Variants in GOLGA2 observed in about 807,000 individuals in gnomAD.
GOLGA2 encodes golgin A2.
A neutral mutation model predicts 148.8 loss-of-function variants in GOLGA2; 49 were observed. The ratio of observed to expected loss-of-function variants is 0.33; its 90% CI spans 0.26 to 0.42. GOLGA2 has a LOEUF of 0.42. Among genes scored for constraint, GOLGA2 ranks in the 10% least tolerant of loss-of-function variants. The pLI, the probability that GOLGA2 is intolerant of heterozygous loss-of-function variation, is 1.00. For synonymous variants in GOLGA2, 501 were observed against 511.8 expected (o/e 0.98, Z 0.28); for missense variants, 1,178 against 1,304.6 (o/e 0.90, Z 1.49).
At position 128,261,080 on chromosome 9, in the gene GOLGA2, T is replaced by C; in HGVS notation, c.1420+92A>G. ...CCTCTTTCCCTCTGCCTCAAAGCCA[T>C]TCCATCCACCCAACTCCCTGGGGCA... On this transcript the variant is annotated intron_variant, in intron 17 of 26. Coordinates refer to ENST00000611957, the MANE Select transcript of GOLGA2 (RefSeq NM_001366244.2). This position sits in a 1 kb window ranked among gnomAD's most constrained non-coding sequence, Gnocchi z 5.7. The C allele has an allele frequency of 1.1e-6, 1 of 891,856 alleles. No homozygotes were observed. The highest frequency in any genetic ancestry group is 2.4e-5 in the East Asian group (1 of 41,666). 55.2% of individuals were successfully genotyped at this position (891,856 alleles called of 1,614,324 possible).
chr9:128,257,410 G>A lies in GOLGA2; in HGVS notation c.2834C>T (p.Ala945Val), dbSNP rs1017458890. ...AGCCCCAAGTTCCTGGGGGGCTGGG[G>A]CCCCTGAAGTGGGCTCATCAGCAGG... ...QNPADEPTSG[A>V]PAPQELGAAN... Residue 945 changes from alanine (A) to valine (V), a missense_variant, in exon 26 of 27, where the codon GCC becomes GTC. Transcript: ENST00000611957. The surrounding 1 kb of genome is among the most constrained non-coding windows in gnomAD (Gnocchi z 8.0). 1.4e-5 allele frequency: 22 copies of A among 1,612,836 alleles called. No individual in the cohort carries two copies. The highest frequency in any genetic ancestry group is 1.7e-5 in the Non-Finnish European group (20 of 1,179,994).
At chr9:128,275,724 G>A (rs1831300454) in intron 1 of GOLGA2, among the ~76,000 whole-genome samples, 169 bp downstream of exon 1, 1 of 152,188 alleles carries the variant, frequency 6.6e-6, no homozygotes, top group South Asian at 2.1e-4. Context: ...CGGGGGCTGG[G>A]CGGCTGAGGG....
rs369322519 is a variant in GOLGA2 at position 128,260,673 on chromosome 9, T to C, written c.1550A>G (p.Asn517Ser). ...AGQLQAQVQD[N>S]EGLSRLNREQ... Reference sequence around the variant, plus strand: ...CCGGTTCAGGCGACTCAAGCCCTCATTGTCTTGCACCTGGGCTTGAAGCTG... The same window carrying C: ...CCGGTTCAGGCGACTCAAGCCCTCACTGTCTTGCACCTGGGCTTGAAGCTG... Residue 517 changes from asparagine to serine, a missense_variant, in exon 18 of 27, where the codon AAT becomes AGT. Asn to Ser is a conservative substitution (Grantham distance 46, BLOSUM62 1). Coordinates refer to ENST00000611957, the MANE Select transcript of GOLGA2 (RefSeq NM_001366244.2). This position sits in a 1 kb window ranked among gnomAD's most constrained non-coding sequence, Gnocchi z 4.8. The C allele has an allele frequency of 5.0e-6, 8 of 1,613,206 alleles. No homozygotes were observed. The highest frequency in any genetic ancestry group is 1.3e-5 in the African/African-American group (1 of 74,928).
rs769732393 is a variant in GOLGA2, at chr9:128,268,103, C to T, written c.437+14G>A. On this transcript the variant is annotated intron_variant, in intron 5 of 26. Transcript: ENST00000611957. ...CTCAGCCTAGAGACTGCTGCCCCAA[C>T]AGGAGACACTCACTTGGTTTCATCC... 1.2e-5 allele frequency: 20 copies of T among 1,611,820 alleles called. No homozygotes were observed. The East Asian group carries it at 2.0e-4, about 16-fold the overall frequency.
intron 2 of GOLGA2, 153 bp downstream of exon 2, chr9:128,273,695 AAT>A: frequency 1.1e-6 from 1 of 902,056 alleles, no homozygotes; most frequent in Non-Finnish European, 1.7e-6. Flanking sequence ...AAGCTCAAGC[AAT>A]TTGCCCTAAA....
At chr9:128,267,319 A>G in intron 7 of GOLGA2, 45 bp from the exon 8 acceptor site, 2 of 1,425,092 alleles carry the variant, frequency 1.4e-6, no homozygotes, top group Non-Finnish European at 2.0e-6. Flanking sequence ...GATTGGGGGG[A>G]GAGGTAGAGA....
intron 12 of GOLGA2, 66 bp downstream of exon 12, chr9:128,265,519 C>G: frequency 8.4e-7 from 1 of 1,190,140 alleles, no homozygotes. Context: ...CAGAAGGGAC[C>G]TTTAGGCTCA....
Position 128,268,513 on chromosome 9 carries a change from G to T in GOLGA2, c.300C>A (p.Asp100Glu). The T allele has an allele frequency of 6.2e-7, 1 of 1,601,870 alleles. No homozygotes were observed. The stretch of plus-strand genomic sequence containing the variant: ...CAGATGGTTGTAGAGTAGCAGCATT[G>T]TCCTTGGGTGTCTGTCACAGAACAG... ...PPLDKWKTPK[D>E]NAATLQPSDD... Residue 100 changes from aspartate to glutamate, a missense_variant, in exon 4 of 27, where the codon GAC becomes GAA. Physicochemically the swap from Asp to Glu is conservative, Grantham distance 45. Transcript: ENST00000611957.
chr9:128,275,441 T>A, intron 1 of GOLGA2: 6 of 1,300,068 alleles, frequency 4.6e-6, no homozygotes, highest in Non-Finnish European at 5.9e-6. Flanking sequence ...AGGACCCAGG[T>A]CCTTGGAGAC....
Position 128,259,035 on chromosome 9 carries a change from C to T in GOLGA2, c.2145G>A (p.Gln715=). ...ATQQNQQLRA[Q]LSLMAHPGEG... ...CCCCAGGGTGAGCCATGAGGCTCAA[C>T]TGGGCCCGTAGCTGCTGATTCTGCT... The change falls in exon 21 of 27, where the codon CAG becomes CAA. Residue 715 remains glutamine (Q), a synonymous_variant. Coordinates refer to ENST00000611957, the MANE Select transcript of GOLGA2 (RefSeq NM_001366244.2). The T allele has an allele frequency of 1.2e-6, 2 of 1,610,038 alleles. No homozygotes were observed. Among genetic ancestry groups the T allele is most frequent in the Non-Finnish European group, 1.7e-6 (2 of 1,178,696 alleles).
Position 128,261,251 on chromosome 9 carries a change from T to C in GOLGA2, c.1341A>G (p.Thr447=). ...TGCTACATTCCTTCTCCTCTCTCAA[T>C]GTGTGCACCTGCCCAAAGCACAGCA... ...RMQQMSEQVH[T]LREEKECSMS... The change falls in exon 17 of 27, where the codon ACA becomes ACG. Residue 447 remains threonine, a synonymous_variant. Transcript: ENST00000611957. The surrounding 1 kb of genome is among the most constrained non-coding windows in gnomAD (Gnocchi z 5.7). 1 of 1,613,234 alleles carries C rather than the reference T, an allele frequency of 6.2e-7. No individual in the cohort carries two copies. The highest frequency in any genetic ancestry group is 8.5e-7 in the Non-Finnish European group (1 of 1,179,224).
rs758786312 is a variant in GOLGA2, at chr9:128,261,275, C to T, written c.1333-16G>A. On this transcript the variant is annotated splice_polypyrimidine_tract_variant and intron_variant, in intron 16 of 26. Transcript: ENST00000611957. The surrounding 1 kb of genome is among the most constrained non-coding windows in gnomAD (Gnocchi z 5.7). ...ATGTGTGCACCTGCCCAAAGCACAG[C>T]AAGAAAGGGCCCTGGAGAGGGGCTG... 7 of 1,598,024 alleles carry T rather than the reference C, an allele frequency of 4.4e-6. No individual in the cohort carries two copies. Among genetic ancestry groups the T allele is most frequent in the Non-Finnish European group, 8.6e-7 (1 of 1,165,712 alleles).
At position 128,266,722 on chromosome 9, in the gene GOLGA2, A is replaced by G; in HGVS notation, c.643-397T>C. The G allele has an allele frequency of 2.8e-6, 1 of 362,036 alleles. No individual in the cohort carries two copies. The highest frequency in any genetic ancestry group is 5.0e-6 in the Non-Finnish European group (1 of 198,798). The allele number at this position is 362,036 out of a possible 1,614,324, so 22.4% of individuals were successfully genotyped here. A position where few individuals can be genotyped will look rare whatever the true frequency, so the allele number is the denominator to read the frequency against. On this transcript the variant is annotated intron_variant, in intron 8 of 26. Coordinates refer to ENST00000611957, the MANE Select transcript of GOLGA2 (RefSeq NM_001366244.2). The surrounding 1 kb of genome is among the most constrained non-coding windows in gnomAD (Gnocchi z 4.2). ...TACCAGACAGAAAAAGACAGACAGG[A>G]GCCCTTGGCCCTGAGGTTTACATTC...
chr9:128,257,398 T>A lies in GOLGA2; in HGVS notation c.2846A>T (p.Gln949Leu). The part of the protein sequence containing the change: ...DEPTSGAPAP[Q>L]ELGAANQQGD... ...CTGCTGGTTGGCAGCCCCAAGTTCC[T>A]GGGGGGCTGGGGCCCCTGAAGTGGG... Residue 949 changes from glutamine to leucine, a missense_variant, in exon 26 of 27, where the codon CAG becomes CTG. Transcript: ENST00000611957. This position sits in a 1 kb window ranked among gnomAD's most constrained non-coding sequence, Gnocchi z 8.0. The A allele has an allele frequency of 6.2e-7, 1 of 1,612,922 alleles. No individual in the cohort carries two copies. Among genetic ancestry groups the A allele is most frequent in the Non-Finnish European group, 8.5e-7 (1 of 1,179,946 alleles).
chr9:128,272,776 C>G lies in GOLGA2; in HGVS notation c.288+9G>C. On this transcript the variant is annotated intron_variant, in intron 3 of 26. Transcript: ENST00000611957. Reference sequence around the variant, plus strand: ...AGCAAGCCAGAGAGGGGTCTCGGCACTGCCTCACCTTCCACTTGTCCAATG... The same window carrying G: ...AGCAAGCCAGAGAGGGGTCTCGGCAGTGCCTCACCTTCCACTTGTCCAATG... The G allele has an allele frequency of 1.8e-5, 21 of 1,186,638 alleles. No homozygotes were observed. Among genetic ancestry groups the G allele is most frequent in the Non-Finnish European group, 2.3e-5 (21 of 900,904 alleles). The allele number at this position is 1,186,638 out of a possible 1,614,324, so 73.5% of individuals were successfully genotyped here. A position where few individuals can be genotyped will look rare whatever the true frequency, so the allele number is the denominator to read the frequency against.
At position 128,257,997 on chromosome 9, in the gene GOLGA2, C is replaced by A; in HGVS notation, c.2491G>T (p.Ala831Ser). 2 of 1,607,872 alleles carry A rather than the reference C, an allele frequency of 1.2e-6. No individual in the cohort carries two copies. Among genetic ancestry groups the A allele is most frequent in the South Asian group, 1.1e-5 (1 of 90,506 alleles). ...CGETHRALQG[A>S]MEKLQSRFME... is the part of the protein sequence containing the mutation. ...TCATTCACCTGCAGCTTCTCCATGG[C>A]CCCCTGCAGGGCCCGGTGGGTCTCC... The change falls in exon 23 of 27, where the codon GCC becomes TCC. Residue 831 changes from alanine (A) to serine (S), a missense_variant. This residue lies in a region of GOLGA2 where 529 missense variants were observed against 521.8 expected (regional missense o/e 1.01). Coordinates refer to ENST00000611957, the MANE Select transcript of GOLGA2 (RefSeq NM_001366244.2). This position sits in a 1 kb window ranked among gnomAD's most constrained non-coding sequence, Gnocchi z 8.0.
chr9:128,268,454 G>C lies in GOLGA2; in HGVS notation c.359C>G (p.Pro120Arg), dbSNP rs767137194. The part of the protein sequence containing the change: ...DTVLPGGVPS[P>R]GASLTSMAAS... The stretch of plus-strand genomic sequence containing the variant: ...CGCCATGCTAGTGAGACTGGCACCA[G>C]GGGAAGGGACACCGCCAGGTAACAC... The change falls in exon 4 of 27, where the codon CCT becomes CGT. Residue 120 changes from proline (P) to arginine (R), a missense_variant. By Grantham distance (103) the Pro-to-Arg change is moderately radical. This residue lies in a region of GOLGA2 where 158 missense variants were observed against 156.6 expected (regional missense o/e 1.01). Transcript: ENST00000611957. The C allele has an allele frequency of 6.2e-7, 1 of 1,610,666 alleles. No individual in the cohort carries two copies. Among genetic ancestry groups the C allele is most frequent in the Non-Finnish European group, 8.5e-7 (1 of 1,177,378 alleles).
In GOLGA2 at chr9:128,257,899, C is replaced by A; in HGVS notation, c.2509-7G>T. On this transcript the variant is annotated splice_polypyrimidine_tract_variant and splice_region_variant and intron_variant, in intron 23 of 26. Coordinates refer to ENST00000611957, the MANE Select transcript of GOLGA2 (RefSeq NM_001366244.2). The surrounding 1 kb of genome is among the most constrained non-coding windows in gnomAD (Gnocchi z 8.0). The stretch of plus-strand genomic sequence containing the variant: ...TGAGCTCCATAAAGCGGCTCTGGAA[C>A]CAAAATAATGGAGTCATATATCGGC... 2 of 1,613,670 alleles carry A rather than the reference C, an allele frequency of 1.2e-6. No homozygotes were observed. The highest frequency in any genetic ancestry group is 1.7e-6 in the Non-Finnish European group (2 of 1,179,574).
At position 128,266,786 on chromosome 9, in the gene GOLGA2, A is replaced by G. The variant is rs566911777; in HGVS notation, c.642+408T>C. 2.4e-4 allele frequency: 83 copies of G among 349,376 alleles called. 1 individual carries two copies. Among genetic ancestry groups the G allele is most frequent in the South Asian group, 9.8e-4 (31 of 31,570 alleles). 21.6% of individuals were successfully genotyped at this position (349,376 alleles called of 1,614,324 possible). A position where few individuals can be genotyped will look rare whatever the true frequency, so the allele number is the denominator to read the frequency against. On this transcript the variant is annotated intron_variant, in intron 8 of 26. Coordinates refer to ENST00000611957, the MANE Select transcript of GOLGA2 (RefSeq NM_001366244.2). The surrounding 1 kb of genome is among the most constrained non-coding windows in gnomAD (Gnocchi z 4.2). ...AATCTTGGACTCTCAGAGCTAAGAG[A>G]CCTTTGATACTCTCTAACTCTACCT...
Sources: allele counts gnomAD v4.1 joint callset (sites outside exome capture counted in the v4.1 genomes callset), GRCh38; gene constraint gnomAD v4.1.1; regional missense constraint gnomAD v4.1.1; non-coding constraint Gnocchi (gnomAD v3.1); transcripts MANE v1.5; gene names NCBI Gene and HGNC (gene_info 2026-07-23, HGNC 2026-07-21).